FMN2: variants seen among roughly 807,000 people sequenced by gnomAD.
FMN2 encodes formin 2, also known as formin-2.
In FMN2, 51 loss-of-function variants were observed where a neutral mutation model predicts 142.3. The ratio of observed to expected loss-of-function variants is 0.36; its 90% CI spans 0.29 to 0.45. The LOEUF is 0.45. Among genes scored for constraint, FMN2 ranks in the 20% least tolerant of loss-of-function variants. The pLI is 1.00. For synonymous variants in FMN2, 882 were observed against 869.8 expected, an observed-to-expected ratio of 1.01 and a Z score of -0.25; for missense variants, 1,936 against 2,122.8, an observed-to-expected ratio of 0.91 and a Z score of 1.73.
chr1:240,382,221 A>G (rs988276686), intron 14 of FMN2, among the ~76,000 whole-genome samples: 2 of 152,222 alleles, frequency 1.3e-5, no homozygotes, highest in Non-Finnish European at 2.9e-5. Flanking sequence ...AGTCCCATTT[A>G]CAATGGCCAT....
intron 8 of FMN2, among the ~76,000 whole-genome samples, chr1:240,301,411 G>GT (rs995994094): frequency 8.6e-5 from 13 of 151,620 alleles, no homozygotes; most frequent in South Asian, 4.2e-4. Context: ...TTTAAATATA[G>GT]TTTTTTTATA....
intron 7 of FMN2, among the ~76,000 whole-genome samples, chr1:240,266,484 T>C (rs1337539202): frequency 6.6e-6 from 1 of 152,068 alleles, no homozygotes; most frequent in Non-Finnish European, 1.5e-5. Context: ...TTTCTGTTCC[T>C]GCCTTAATTC....
intron 6 of FMN2, among the ~76,000 whole-genome samples, chr1:240,241,767 A>ATTAT (rs1281878053): frequency 1.3e-5 from 2 of 150,794 alleles, no homozygotes; most frequent in African/African-American, 4.9e-5. Flanking sequence ...TTGGATCATA[A>ATTAT]GTGTGGCTAA....
intron 8 of FMN2, among the ~76,000 whole-genome samples, chr1:240,311,725 A>C (rs1670610879): frequency 6.6e-6 from 1 of 152,220 alleles, no homozygotes; most frequent in Admixed American, 6.5e-5. Flanking sequence ...ACTATATTGC[A>C]TAAATTCCTG....
chr1:240,438,844 A>G (rs539518252), intron 16 of FMN2, among the ~76,000 whole-genome samples: 1 of 152,232 alleles, frequency 6.6e-6, no homozygotes, highest in African/African-American at 2.4e-5. Flanking sequence ...CCAGGGCGCC[A>G]TCCCCAAATA....
chr1:240,336,200 C>T (rs1028973201), intron 13 of FMN2, among the ~76,000 whole-genome samples: 1 of 151,962 alleles, frequency 6.6e-6, no homozygotes, highest in Non-Finnish European at 1.5e-5. Flanking sequence ...GCAGCCAGCG[C>T]CTCTGAATAC....
intron 5 of FMN2, 146 bp downstream of exon 5, chr1:240,208,878 GC>G: frequency 9.6e-7 from 1 of 1,045,910 alleles, no homozygotes; most frequent in Non-Finnish European, 1.4e-6. Context: ...ATATAGTGCA[GC>G]AGTTTGCTAT....
At chr1:240,441,874 C>A (rs1446291457) in intron 16 of FMN2, among the ~76,000 whole-genome samples, 3 of 152,058 alleles carry the variant, frequency 2.0e-5, no homozygotes, top group African/African-American at 7.2e-5. Context: ...AACATGTTTT[C>A]TTGCATAACT....
intron 8 of FMN2, among the ~76,000 whole-genome samples, chr1:240,295,828 G>T (rs1669956283): frequency 6.6e-6 from 1 of 152,118 alleles, no homozygotes; most frequent in Non-Finnish European, 1.5e-5. Flanking sequence ...AATATTTTGA[G>T]CAACACCTAC....
chr1:240,198,530 A>C (rs1045059394), intron 4 of FMN2, among the ~76,000 whole-genome samples: 1 of 152,148 alleles, frequency 6.6e-6, no homozygotes, highest in Non-Finnish European at 1.5e-5. Flanking sequence ...TTTTATACTA[A>C]GGATTCTAGA....
At chr1:240,211,411 A>G (rs1231930594) in intron 6 of FMN2, among the ~76,000 whole-genome samples, 176 bp downstream of exon 6, 1 of 152,254 alleles carries the variant, frequency 6.6e-6, no homozygotes, top group Admixed American at 6.5e-5. Context: ...CAAATAGAAC[A>G]ACACATAATT....
At chr1:240,130,006 C>A (rs1371624955) in intron 2 of FMN2, among the ~76,000 whole-genome samples, 1 of 151,926 alleles carries the variant, frequency 6.6e-6, no homozygotes, top group African/African-American at 2.4e-5. Flanking sequence ...TATCTCTTGC[C>A]ACCCCACTCA....
At chr1:240,241,054 A>G (rs946291958) in intron 6 of FMN2, among the ~76,000 whole-genome samples, 5 of 152,214 alleles carry the variant, frequency 3.3e-5, no homozygotes, top group Non-Finnish European at 7.3e-5. Flanking sequence ...TTGTTTTAAG[A>G]GCCTGCTGAT....
At position 240,438,860 on chromosome 1, in the gene FMN2, G is replaced by A. The variant is rs535116035; in HGVS notation, c.5060+650G>A. Among the ~76,000 whole-genome samples, 8 of 152,160 alleles carry A rather than the reference G, an allele frequency of 5.3e-5. No individual in the cohort carries two copies. The South Asian group carries it at 6.2e-4, about 12-fold the overall frequency. On this transcript the variant is annotated intron_variant, in intron 16 of 17. Coordinates refer to ENST00000319653, the MANE Select transcript of FMN2 (RefSeq NM_020066.5). ...CAGGGCGCCATCCCCAAATAGCTGC[G>A]TCTAGTGGGAAACTAAAGGGAAACG...
Position 240,128,621 on chromosome 1 carries a change from T to C in FMN2, c.1782+5276T>C, listed in dbSNP as rs78446442. 1.4e-3 allele frequency among the ~76,000 whole-genome samples: 219 copies of C among 152,312 alleles called. 2 individuals carry two copies. Among genetic ancestry groups the C allele is most frequent in the African/African-American group, 5.1e-3 (210 of 41,574 alleles). On this transcript the variant is annotated intron_variant, in intron 2 of 17. Coordinates refer to ENST00000319653, the MANE Select transcript of FMN2 (RefSeq NM_020066.5). ...CACCAGATGGGCAAGAGCTCCTTGA[T>C]ATGTATGTAAATGGACATCGGTTTG...
chr1:240,470,399 G>A (rs1479761848), intron 16 of FMN2, among the ~76,000 whole-genome samples: 1 of 152,100 alleles, frequency 6.6e-6, no homozygotes, highest in South Asian at 2.1e-4. Flanking sequence ...AATAAAAGTG[G>A]TAACAATGAA....
rs377556909 is a variant in FMN2 at position 240,273,848 on chromosome 1, G to A, written c.4153+15816G>A. On this transcript the variant is annotated intron_variant, in intron 7 of 17. Coordinates refer to ENST00000319653, the MANE Select transcript of FMN2 (RefSeq NM_020066.5). ...GGGATCTCTCTATGCCAACTTCTGT[G>A]CCAAGTAGAGAGATAAAGAGAATGC... is the stretch of plus-strand genomic sequence containing the variant. 1.4e-4 allele frequency among the ~76,000 whole-genome samples: 22 copies of A among 152,158 alleles called. No individual in the cohort carries two copies. In the East Asian group the frequency reaches 1.7e-3, roughly 12 times the overall value.
Position 240,397,998 on chromosome 1 carries a change from C to CTT in FMN2, c.4910+5450_4910+5451dup, listed in dbSNP as rs35919747. On this transcript the variant is annotated intron_variant, in intron 15 of 17. Transcript: ENST00000319653. ...CTGCCATTAATTCAGTAGGCAAGATCTTTTTTTTTTTTTTTGAGACATAAT... is the reference window on the plus strand; with the variant it reads ...CTGCCATTAATTCAGTAGGCAAGATCTTTTTTTTTTTTTTTTTGAGACATAAT... 7.2e-3 allele frequency among the ~76,000 whole-genome samples: 1,017 copies of CTT among 140,824 alleles called. 9 individuals carry two copies. The highest frequency in any genetic ancestry group is 0.022 in the African/African-American group (844 of 38,284). The allele number at this position is 140,824 out of a possible 152,430, so 92.4% of individuals were successfully genotyped here. A position where few individuals can be genotyped will look rare whatever the true frequency, so the allele number is the denominator to read the frequency against.
chr1:240,248,372 TTATATATATA>T (rs35386496), intron 6 of FMN2, among the ~76,000 whole-genome samples: 1 of 146,688 alleles, frequency 6.8e-6, no homozygotes, highest in Non-Finnish European at 1.5e-5. Context: ...GTTTTATGGA[TTATATATATA>T]TATATAACAT....
Sources: gnomAD v4.1 joint callset for allele counts (sites outside exome capture counted in the v4.1 genomes callset) on GRCh38, gnomAD v4.1.1 for gene constraint, MANE v1.5 for transcripts, NCBI Gene and HGNC (gene_info 2026-07-23, HGNC 2026-07-21) for gene names.